Variants in PTK2 observed in about 807,000 individuals in gnomAD.
The protein encoded by PTK2 is protein tyrosine kinase 2.
A neutral mutation model predicts 150.1 loss-of-function variants in PTK2; 45 were observed. That is an observed-to-expected ratio of 0.30 (90% CI 0.24 to 0.38). The LOEUF (loss-of-function observed/expected upper bound fraction) is 0.38, where lower values mean the gene tolerates loss of function less well. PTK2 is among the 10% of genes least tolerant of loss of function. The pLI is 1.00. For missense variants in PTK2, 919 were observed against 1,307.3 expected, an observed-to-expected ratio of 0.70 and a Z score of 4.58; for synonymous variants, 432 against 449.2, an observed-to-expected ratio of 0.96 and a Z score of 0.48.
At chr8:140,671,206 A>C (rs2095331758) in intron 29 of PTK2, among the ~76,000 whole-genome samples, 1 of 152,256 alleles carries the variant, frequency 6.6e-6, no homozygotes, top group African/African-American at 2.4e-5. Context: ...TTTTAGTTAT[A>C]CATAAAAGTA....
At chr8:140,971,346 T>A (rs1290743306) in intron 1 of PTK2, among the ~76,000 whole-genome samples, 1 of 152,230 alleles carries the variant, frequency 6.6e-6, no homozygotes. Context: ...ACCAGTAGCA[T>A]CCACAGTGAA....
At chr8:140,828,600 A>G (rs1435214891) in intron 8 of PTK2, among the ~76,000 whole-genome samples, 4 of 152,194 alleles carry the variant, frequency 2.6e-5, no homozygotes, top group Admixed American at 2.6e-4. Flanking sequence ...AATGTGACAT[A>G]ACCATCAACA....
intron 3 of PTK2, among the ~76,000 whole-genome samples, chr8:140,880,857 T>C (rs1305584257): frequency 1.3e-5 from 2 of 152,158 alleles, no homozygotes; most frequent in East Asian, 3.9e-4. Flanking sequence ...CTCCCCATAC[T>C]GGTACCTGGC....
intron 7 of PTK2, among the ~76,000 whole-genome samples, chr8:140,841,503 C>A (rs2100122347): frequency 1.3e-5 from 2 of 151,972 alleles, no homozygotes; most frequent in South Asian, 4.1e-4. Flanking sequence ...ACAAAAGTTT[C>A]AAAACAAACA....
At chr8:140,701,421 T>C (rs528214003) in intron 25 of PTK2, among the ~76,000 whole-genome samples, 24 of 152,298 alleles carry the variant, frequency 1.6e-4, no homozygotes, top group African/African-American at 5.8e-4. Context: ...TGCTCTTTCA[T>C]TCAAATAAGT....
chr8:140,929,022 G>C (rs2100170760), intron 1 of PTK2, among the ~76,000 whole-genome samples: 2 of 123,870 alleles, frequency 1.6e-5, no homozygotes, highest in Admixed American at 1.9e-4. Context: ...CTGGAGTGCA[G>C]TGGCGGGATC....
chr8:140,968,168 C>T (rs2100185954), intron 1 of PTK2, among the ~76,000 whole-genome samples: 1 of 152,146 alleles, frequency 6.6e-6, no homozygotes, highest in South Asian at 2.1e-4. Context: ...AACCAATACC[C>T]TAAAAGAGGC....
chr8:140,921,060 G>A (rs1379082589), intron 2 of PTK2: 64 of 1,316,900 alleles, frequency 4.9e-5, no homozygotes, highest in Non-Finnish European at 6.1e-5. Context: ...TTTGGAAGGT[G>A]TTCCTTCTGT....
In PTK2 at chr8:140,832,169, C is replaced by T. The variant is rs866974965; in HGVS notation, c.594-1643G>A. The stretch of plus-strand genomic sequence containing the variant: ...CCCAGGCTTCGAGCGATTCTCGTGC[C>T]TCAGTATCCCAAGTAGCTGGGTTTA... On this transcript the variant is annotated intron_variant, in intron 7 of 31. Coordinates refer to ENST00000522684, the Ensembl canonical transcript of PTK2. Among the ~76,000 whole-genome samples the T allele has an allele frequency of 5.9e-5, 9 of 152,296 alleles. No homozygotes were observed. The South Asian group carries it at 6.2e-4, about 11-fold the overall frequency.
chr8:140,998,662 A>G (rs1271124998), intron 1 of PTK2, among the ~76,000 whole-genome samples: 2 of 151,946 alleles, frequency 1.3e-5, no homozygotes, highest in Non-Finnish European at 2.9e-5. Context: ...ACTAAAAAAT[A>G]CAAAAAATTA....
At chr8:140,867,179 G>C in intron 4 of PTK2, among the ~76,000 whole-genome samples, 1 of 152,128 alleles carries the variant, frequency 6.6e-6, no homozygotes, top group East Asian at 1.9e-4. Flanking sequence ...TGTGCACAGA[G>C]AAATGACATC....
chr8:140,665,492 G>A (rs927953008), intron 30 of PTK2, among the ~76,000 whole-genome samples: 6 of 152,060 alleles, frequency 3.9e-5, no homozygotes, highest in East Asian at 1.9e-4. Context: ...TTTGGACCCC[G>A]TTCTGAATCT....
chr8:140,891,593 A>G (rs2100154270), intron 2 of PTK2, among the ~76,000 whole-genome samples: 1 of 152,174 alleles, frequency 6.6e-6, no homozygotes, highest in Non-Finnish European at 1.5e-5. Context: ...TCAGAGCCTG[A>G]AGAGACAAGA....
rs1563931900 is a variant in PTK2 at position 140,668,426 on chromosome 8, T to C, written c.2710-2A>G. On this transcript the variant is annotated splice_acceptor_variant, in intron 29 of 31. Transcript: ENST00000522684. LOFTEE classifies it high-confidence loss of function. ...GGGGCTGATTTCCTGGGGCTGAAGC[T>C]GACAACACAGAAGCCAGTCATTTTT... 1.2e-6 allele frequency: 2 copies of C among 1,606,846 alleles called. No homozygotes were observed.
intron 23 of PTK2, among the ~76,000 whole-genome samples, chr8:140,715,334 G>A (rs2100039099): frequency 6.6e-6 from 1 of 151,670 alleles, no homozygotes; most frequent in Non-Finnish European, 1.5e-5. Flanking sequence ...CACCATGGCT[G>A]GCTGATTTTT....
At chr8:140,719,887 CAA>C (rs71308987) in intron 22 of PTK2, among the ~76,000 whole-genome samples, 1,781 of 90,506 alleles carry the variant, frequency 0.02, 11 homozygotes, top group African/African-American at 0.089. Context: ...CTTGTCTCAC[CAA>C]AAAAAAAAAA....
intron 10 of PTK2, among the ~76,000 whole-genome samples, chr8:140,807,385 C>T (rs2100098687): frequency 6.6e-6 from 1 of 152,212 alleles, no homozygotes; most frequent in Non-Finnish European, 1.5e-5. Flanking sequence ...CATTCAGATA[C>T]AGTACTGCAC....
chr8:140,665,033 A>G (rs1393364508), intron 30 of PTK2, 36 bp from the exon 35 acceptor site: 1 of 1,550,790 alleles, frequency 6.4e-7, no homozygotes, highest in Non-Finnish European at 8.8e-7. Flanking sequence ...ATTAGAACAC[A>G]CACAAAGGAT....
At chr8:140,856,557 T>G (rs1350057438) in intron 5 of PTK2, among the ~76,000 whole-genome samples, 1 of 152,080 alleles carries the variant, frequency 6.6e-6, no homozygotes, top group Non-Finnish European at 1.5e-5. Context: ...TATAAGAAAT[T>G]CTAAAACATG....
Sources: allele counts gnomAD v4.1 joint callset (sites outside exome capture counted in the v4.1 genomes callset), GRCh38; gene constraint gnomAD v4.1.1; transcripts MANE v1.5; gene names NCBI Gene and HGNC (gene_info 2026-07-23, HGNC 2026-07-21).